The following PCDHGB4 variants were observed in gnomAD, a reference collection of about 807,000 sequenced individuals.
PCDHGB4 encodes protocadherin gamma subfamily B, 4.
A neutral mutation model predicts 60.5 loss-of-function variants in PCDHGB4; 38 were observed. That is an observed-to-expected ratio of 0.63 (90% CI 0.48 to 0.82). The LOEUF (loss-of-function observed/expected upper bound fraction) is 0.82. Among genes scored for constraint, PCDHGB4 ranks in the 40% least tolerant of loss-of-function variants. PCDHGB4 has a pLI of 0.00. For missense variants in PCDHGB4, 1,109 were observed against 1,209.6 expected (o/e 0.92, Z 1.23); for synonymous variants, 456 against 509.7 (o/e 0.89, Z 1.42).
chr5:141,415,935 C>A, intron 1 of PCDHGB4: 1 of 601,886 alleles, frequency 1.7e-6, no homozygotes, highest in Non-Finnish European at 2.4e-6. Context: ...TTTATATTTC[C>A]TCCTGGGTGG....
At chr5:141,492,423 G>C (rs1164828445) in intron 1 of PCDHGB4, among the ~76,000 whole-genome samples, 1 of 152,222 alleles carries the variant, frequency 6.6e-6, no homozygotes, top group African/African-American at 2.4e-5. Context: ...CCCTCCGCCG[G>C]GCTCAGGAGT....
chr5:141,430,952 C>G, intron 1 of PCDHGB4: 2 of 1,610,382 alleles, frequency 1.2e-6, no homozygotes, highest in African/African-American at 2.7e-5. Flanking sequence ...GCGCGGAGTC[C>G]GCATCATCCC....
intron 1 of PCDHGB4, chr5:141,403,339 C>T (rs2094393588): frequency 1.2e-6 from 2 of 1,613,892 alleles, no homozygotes; most frequent in Admixed American, 1.7e-5. Context: ...TTAACGACAG[C>T]GCCCCAAAGT....
rs2099183566 is a variant in PCDHGB4, at chr5:141,468,861, A to G, written c.2398-25946A>G. 3.9e-5 allele frequency among the ~76,000 whole-genome samples: 6 copies of G among 152,168 alleles called. No homozygotes were observed. In the South Asian group the frequency reaches 1.2e-3, roughly 32 times the overall value. On this transcript the variant is annotated intron_variant, in intron 1 of 3. Coordinates refer to ENST00000519479, the MANE Select transcript of PCDHGB4 (RefSeq NM_003736.4). ...AGCCTGGGCAACAGAGCGAGACTCCATCTCAAAAATAATAATAATAATAAT... is the reference window on the plus strand; with the variant it reads ...AGCCTGGGCAACAGAGCGAGACTCCGTCTCAAAAATAATAATAATAATAAT...
chr5:141,452,914 TAAGA>T (rs1164409830), intron 1 of PCDHGB4, among the ~76,000 whole-genome samples: 1 of 152,226 alleles, frequency 6.6e-6, no homozygotes, highest in African/African-American at 2.4e-5. Flanking sequence ...CATTATACAG[TAAGA>T]AAGAGCTGCT....
At chr5:141,390,370 A>G (rs1252386186) in intron 1 of PCDHGB4, 89 bp downstream of exon 1, 7 of 1,504,066 alleles carry the variant, frequency 4.7e-6, no homozygotes, top group African/African-American at 4.2e-5. Context: ...AGGAAAATAT[A>G]TAATTTTTAG....
chr5:141,423,636 C>A, intron 1 of PCDHGB4: 1 of 1,598,388 alleles, frequency 6.3e-7, no homozygotes, highest in Non-Finnish European at 8.5e-7. Context: ...TCATTTTAGG[C>A]AAATGTGACC....
chr5:141,432,138 A>C lies in PCDHGB4; in HGVS notation c.2397+41857A>C, dbSNP rs2097456794. On this transcript the variant is annotated intron_variant, in intron 1 of 3. Coordinates refer to ENST00000519479, the MANE Select transcript of PCDHGB4 (RefSeq NM_003736.4). The surrounding 1 kb of genome is among the most constrained non-coding windows in gnomAD (Gnocchi z 6.0). ...TTCCCTCAGGCCTCCTATTCCGCTT[A>C]TATCCCAGAGAACAATCCCAGAGGA... 1 of 1,613,954 alleles carries C rather than the reference A, an allele frequency of 6.2e-7. No individual in the cohort carries two copies. Among genetic ancestry groups the C allele is most frequent in the African/African-American group, 1.3e-5 (1 of 74,882 alleles).
intron 1 of PCDHGB4, among the ~76,000 whole-genome samples, chr5:141,446,868 C>T (rs980547855): frequency 6.6e-6 from 1 of 152,160 alleles, no homozygotes; most frequent in Non-Finnish European, 1.5e-5. Flanking sequence ...TAGCTCTACA[C>T]TGGTATGTTT....
chr5:141,418,819 A>T (rs1285247926), intron 1 of PCDHGB4: 1 of 1,613,868 alleles, frequency 6.2e-7, no homozygotes, highest in African/African-American at 1.3e-5. Context: ...TAAACATAGA[A>T]GCAAAAGACC....
At chr5:141,472,172 T>A (rs548514406) in intron 1 of PCDHGB4, among the ~76,000 whole-genome samples, 11 of 152,326 alleles carry the variant, frequency 7.2e-5, no homozygotes, top group African/African-American at 2.6e-4. Context: ...AGGTGTAATA[T>A]CCAGTATTGG....
rs1363008017 is a variant in PCDHGB4, at chr5:141,413,215, T to A, written c.2397+22934T>A. ...GAATCGCTCAAAGGAATCAAAGGATTGCAGCGGGCTGGTCCTGCTCTGCCT... is the reference window on the plus strand; with the variant it reads ...GAATCGCTCAAAGGAATCAAAGGATAGCAGCGGGCTGGTCCTGCTCTGCCT... On this transcript the variant is annotated intron_variant, in intron 1 of 3. Coordinates refer to ENST00000519479, the MANE Select transcript of PCDHGB4 (RefSeq NM_003736.4). 6 of 1,613,232 alleles carry A rather than the reference T, an allele frequency of 3.7e-6. No individual in the cohort carries two copies. The African/African-American group carries it at 8.0e-5, about 22-fold the overall frequency.
chr5:141,464,266 AAAAAAAAAAAAGC>A (rs2099079689), intron 1 of PCDHGB4, among the ~76,000 whole-genome samples: 2 of 138,926 alleles, frequency 1.4e-5, no homozygotes, highest in Admixed American at 1.4e-4. Flanking sequence ...CTCCGTCTAA[AAAAAAAAAAAAGC>A]AAAAAAAAAA....
At chr5:141,409,531 T>C (rs2095279232) in intron 1 of PCDHGB4, 1 of 1,613,870 alleles carries the variant, frequency 6.2e-7, no homozygotes, top group Non-Finnish European at 8.5e-7. Context: ...TGTATGTCGC[T>C]GACATCAACG....
chr5:141,474,011 A>T (rs910186122), intron 1 of PCDHGB4, among the ~76,000 whole-genome samples: 2 of 152,112 alleles, frequency 1.3e-5, no homozygotes, highest in Non-Finnish European at 2.9e-5. Flanking sequence ...TGGAAGTTAC[A>T]GTGAGCTATG....
intron 1 of PCDHGB4, among the ~76,000 whole-genome samples, chr5:141,480,796 C>G (rs1007525949): frequency 2.6e-5 from 4 of 152,074 alleles, no homozygotes; most frequent in African/African-American, 7.2e-5. Flanking sequence ...ATTTGAAAAC[C>G]ACAGCTTTGG....
intron 1 of PCDHGB4, chr5:141,426,302 A>G (rs1590676929): frequency 1.2e-5 from 2 of 172,322 alleles, no homozygotes; most frequent in East Asian, 1.4e-4. Context: ...AACAGGGTGA[A>G]GCAGAGAAGC....
chr5:141,488,497 C>T (rs1054409265), intron 1 of PCDHGB4, among the ~76,000 whole-genome samples: 3 of 152,204 alleles, frequency 2.0e-5, no homozygotes, highest in South Asian at 2.1e-4. Flanking sequence ...CTGTAACACT[C>T]ATTCCACATT....
At chr5:141,461,291 C>A (rs892436619) in intron 1 of PCDHGB4, among the ~76,000 whole-genome samples, 1 of 152,128 alleles carries the variant, frequency 6.6e-6, no homozygotes, top group African/African-American at 2.4e-5. Flanking sequence ...CACATCCACA[C>A]CAACATCTAT....
Sources: gnomAD v4.1 joint callset for allele counts (sites outside exome capture counted in the v4.1 genomes callset) on GRCh38, gnomAD v4.1.1 for gene constraint, Gnocchi (gnomAD v3.1) non-coding constraint, MANE v1.5 for transcripts, NCBI Gene and HGNC (gene_info 2026-07-23, HGNC 2026-07-21) for gene names.